Variants in IGSF11 observed in about 807,000 individuals in gnomAD.
IGSF11 encodes CXADR like 1.
A neutral mutation model predicts 41.0 loss-of-function variants in IGSF11; 22 were observed. The ratio of observed to expected loss-of-function variants is 0.54; its 90% CI spans 0.38 to 0.77. The LOEUF is 0.77. Ranked by LOEUF, IGSF11 falls within the 30% of genes least tolerant of loss-of-function variation. The probability of loss-of-function intolerance (pLI) is 0.00; values close to 1 mark genes in which losing one functional copy is unlikely to be tolerated. For synonymous variants in IGSF11, 219 were observed against 201.3 expected, an observed-to-expected ratio of 1.09 and a Z score of -0.74; for missense variants, 444 against 530.8, an observed-to-expected ratio of 0.84 and a Z score of 1.61.
intron 1 of IGSF11, among the ~76,000 whole-genome samples, chr3:119,128,494 T>C (rs1262784037): frequency 6.6e-6 from 1 of 152,092 alleles, no homozygotes; most frequent in Non-Finnish European, 1.5e-5. Context: ...GCGTGCTGTA[T>C]TCAGGAGAAG....
intron 1 of IGSF11, among the ~76,000 whole-genome samples, chr3:118,965,115 C>A (rs1945581878): frequency 6.6e-6 from 1 of 152,074 alleles, no homozygotes; most frequent in African/African-American, 2.4e-5. Flanking sequence ...ATTTAAAAAT[C>A]TGATAAAACT....
chr3:118,902,466 C>CCCGG lies in IGSF11; in HGVS notation c.*53_*54insCCGG. On this transcript the variant is annotated 3_prime_UTR_variant, in exon 7 of 7. Transcript: ENST00000393775. The stretch of plus-strand genomic sequence containing the variant: ...CAGCACTCCCCACCCCACCCTCCCC[C>CCCGG]TTGTATGAGGGCATTCCATTTATTC... The CCCGG allele has an allele frequency of 1.1e-6, 1 of 878,268 alleles. No homozygotes were observed. The highest frequency in any genetic ancestry group is 1.8e-6 in the Non-Finnish European group (1 of 544,882). 54.4% of individuals were successfully genotyped at this position (878,268 alleles called of 1,614,324 possible). A position where few individuals can be genotyped will look rare whatever the true frequency, so the allele number is the denominator to read the frequency against.
rs555546832 is a variant in IGSF11 at position 119,056,550 on chromosome 3, G to A, written c.49+48594C>T. Among the ~76,000 whole-genome samples, 273 of 152,268 alleles carry A rather than the reference G, an allele frequency of 1.8e-3. 1 individual carries two copies. The highest frequency in any genetic ancestry group is 3.5e-3 in the Admixed American group (53 of 15,298). On this transcript the variant is annotated intron_variant, in intron 1 of 6. Transcript: ENST00000354673. ...CCGAATTCTACCAGAGGTACAAGGAGGGGCTGTTACCATTCCTTCTGAAAC... is the reference window on the plus strand; with the variant it reads ...CCGAATTCTACCAGAGGTACAAGGAAGGGCTGTTACCATTCCTTCTGAAAC...
intron 1 of IGSF11, among the ~76,000 whole-genome samples, chr3:119,045,404 G>A (rs1366901818): frequency 1.3e-5 from 2 of 152,224 alleles, no homozygotes; most frequent in Admixed American, 6.5e-5. Context: ...GGAAAATCGG[G>A]TCACTCCCAC....
At chr3:118,966,009 A>G (rs2107609614) in intron 1 of IGSF11, among the ~76,000 whole-genome samples, 1 of 150,960 alleles carries the variant, frequency 6.6e-6, no homozygotes, top group Non-Finnish European at 1.5e-5. Flanking sequence ...AGAAATGAGA[A>G]AAAAAAAAAC....
At chr3:119,024,714 T>C (rs981814702) in intron 1 of IGSF11, among the ~76,000 whole-genome samples, 1 of 152,112 alleles carries the variant, frequency 6.6e-6, no homozygotes, top group Non-Finnish European at 1.5e-5. Context: ...TAATCAATAA[T>C]AACACTAGTA....
intron 1 of IGSF11, among the ~76,000 whole-genome samples, chr3:119,141,363 T>TA (rs1270723761): frequency 1.3e-5 from 2 of 149,756 alleles, no homozygotes; most frequent in Non-Finnish European, 3.0e-5. Context: ...TAAAAAACTA[T>TA]AAAAAAGAGC....
At chr3:118,987,191 C>A (rs917046415) in intron 1 of IGSF11, among the ~76,000 whole-genome samples, 1 of 152,154 alleles carries the variant, frequency 6.6e-6, no homozygotes, top group Non-Finnish European at 1.5e-5. Flanking sequence ...TAAAGAGGTA[C>A]AAGGCTCAGC....
chr3:118,977,402 T>C (rs1472763163), intron 1 of IGSF11, among the ~76,000 whole-genome samples: 1 of 152,208 alleles, frequency 6.6e-6, no homozygotes, highest in Non-Finnish European at 1.5e-5. Context: ...AGTTTGGTCT[T>C]GGGTATTAAT....
At chr3:119,116,431 A>T (rs1158690357) in intron 1 of IGSF11, among the ~76,000 whole-genome samples, 1 of 152,194 alleles carries the variant, frequency 6.6e-6, no homozygotes, top group East Asian at 1.9e-4. Flanking sequence ...CTCAACCTTC[A>T]TAATCACATA....
intron 1 of IGSF11, among the ~76,000 whole-genome samples, chr3:118,936,053 T>TA (rs1003857268): frequency 6.6e-6 from 1 of 152,118 alleles, no homozygotes; most frequent in Non-Finnish European, 1.5e-5. Flanking sequence ...AAAAGTTTCT[T>TA]AGAGTAAGAA....
intron 3 of IGSF11, 59 bp downstream of exon 3, chr3:118,928,450 T>G (rs1942545933): frequency 1.5e-6 from 2 of 1,345,058 alleles, no homozygotes; most frequent in Non-Finnish European, 2.1e-6. Context: ...GAAGCAAGTA[T>G]GCTTGAGAGT....
At chr3:118,972,432 T>G (rs781660898) in intron 1 of IGSF11, among the ~76,000 whole-genome samples, 2 of 152,246 alleles carry the variant, frequency 1.3e-5, no homozygotes, top group Non-Finnish European at 2.9e-5. Context: ...TTATGCTTCA[T>G]GTCTATTGTC....
At chr3:119,135,984 G>A (rs1024246956) in intron 1 of IGSF11, among the ~76,000 whole-genome samples, 3 of 152,176 alleles carry the variant, frequency 2.0e-5, no homozygotes. Context: ...AACACCACAT[G>A]TTCTCACTCA....
intron 1 of IGSF11, among the ~76,000 whole-genome samples, chr3:119,073,303 T>TC (rs2076433272): frequency 6.6e-6 from 1 of 152,142 alleles, no homozygotes; most frequent in South Asian, 2.1e-4. Context: ...GTTCTCCAAG[T>TC]CCCCACCTGA....
chr3:119,015,320 G>T (rs557134021), intron 1 of IGSF11, among the ~76,000 whole-genome samples: 19 of 152,272 alleles, frequency 1.2e-4, no homozygotes, highest in African/African-American at 4.6e-4. Context: ...AACAATGCTT[G>T]TGCAAGATCT....
intron 1 of IGSF11, among the ~76,000 whole-genome samples, chr3:119,012,409 C>T (rs1290748982): frequency 6.6e-6 from 1 of 151,930 alleles, no homozygotes; most frequent in Non-Finnish European, 1.5e-5. Context: ...ATTTATATAC[C>T]AACCCTCCAA....
chr3:119,116,406 C>A (rs1244319930), intron 1 of IGSF11, among the ~76,000 whole-genome samples: 1 of 152,142 alleles, frequency 6.6e-6, no homozygotes, highest in African/African-American at 2.4e-5. Flanking sequence ...TTGCAAACAG[C>A]AGATCATGAT....
chr3:118,966,033 G>A (rs1055817299), intron 1 of IGSF11, among the ~76,000 whole-genome samples: 1 of 151,330 alleles, frequency 6.6e-6, no homozygotes, highest in Admixed American at 6.6e-5. Flanking sequence ...AGAGTAAAAA[G>A]AATTGTTGTG....
Sources: allele counts gnomAD v4.1 joint callset (sites outside exome capture counted in the v4.1 genomes callset), GRCh38; gene constraint gnomAD v4.1.1; transcripts MANE v1.5; gene names NCBI Gene and HGNC (gene_info 2026-07-23, HGNC 2026-07-21).